CORO6: variants seen among roughly 807,000 people sequenced by gnomAD.
CORO6 encodes coronin 6, also known as coronin-6.
In CORO6, 43 loss-of-function variants were observed where a neutral mutation model predicts 49.0. The ratio of observed to expected loss-of-function variants is 0.88; its 90% CI spans 0.69 to 1.13. The LOEUF is 1.13. Ranked by LOEUF, CORO6 falls within the 50% of genes most tolerant of loss-of-function variation. The probability of loss-of-function intolerance (pLI) is 0.00; values close to 1 mark genes in which losing one functional copy is unlikely to be tolerated. For missense variants in CORO6, 650 were observed against 647.0 expected (o/e 1.00, Z -0.05); for synonymous variants, 233 against 256.5 (o/e 0.91, Z 0.88).
Position 29,622,759 on chromosome 17 carries a change from C to T in CORO6, c.-135G>A. ...GGAAGGGGCCCGAGTGCGTAGGGGG[C>T]CGAGGAAGGCTTCAGGGCGAAGGAG... On this transcript the variant is annotated 5_prime_UTR_variant, in exon 1 of 11. Coordinates refer to ENST00000388767, the MANE Select transcript of CORO6 (RefSeq NM_032854.4). 1 of 1,321,996 alleles carries T rather than the reference C, an allele frequency of 7.6e-7. No individual in the cohort carries two copies. The highest frequency in any genetic ancestry group is 1.0e-6 in the Non-Finnish European group (1 of 1,001,238). 81.9% of individuals were successfully genotyped at this position (1,321,996 alleles called of 1,614,324 possible). A position where few individuals can be genotyped will look rare whatever the true frequency, so the allele number is the denominator to read the frequency against.
chr17:29,615,912 G>A (rs1369822873), intron 10 of CORO6, 33 bp downstream of exon 10: 1 of 1,583,696 alleles, frequency 6.3e-7, no homozygotes, highest in Admixed American at 1.7e-5. Flanking sequence ...GGGAGATGTA[G>A]ATTGGGCCAG....
In CORO6 at chr17:29,621,867, G is replaced by A. The variant is rs142109518; in HGVS notation, c.-63-383C>T. 3.3e-3 allele frequency: 639 copies of A among 195,332 alleles called. 4 individuals carry two copies. The highest frequency in any genetic ancestry group is 0.014 in the African/African-American group (589 of 43,496). 12.1% of individuals were successfully genotyped at this position (195,332 alleles called of 1,614,324 possible). On this transcript the variant is annotated intron_variant, in intron 1 of 10. Transcript: ENST00000388767. This position sits in a 1 kb window ranked among gnomAD's most constrained non-coding sequence, Gnocchi z 4.2. The stretch of plus-strand genomic sequence containing the variant: ...AGAGGCACCCTGTCCAGAAGCAGAA[G>A]ACTTGACCATTGGATCTTGGCTTAA...
chr17:29,616,026 C>A lies in CORO6; in HGVS notation c.1212G>T (p.Arg404=), dbSNP rs1196705376. Residue 404 remains arginine, a synonymous_variant, in exon 10 of 11, where the codon CGG becomes CGT. Transcript: ENST00000388767. This position sits in a 1 kb window ranked among gnomAD's most constrained non-coding sequence, Gnocchi z 5.6. ...CGTCCAGGATGTTGCGCTTCGTGAC[C>A]CGGAGCTCGCGGTGCTTGGGGGGCA... ...GYVPPKHREL[R]VTKRNILDVR... 1.2e-6 allele frequency: 2 copies of A among 1,608,686 alleles called. No homozygotes were observed. The highest frequency in any genetic ancestry group is 1.7e-6 in the Non-Finnish European group (2 of 1,177,850).
At chr17:29,620,426 C>T (rs112034012) in intron 2 of CORO6, among the ~76,000 whole-genome samples, 36 of 152,276 alleles carry the variant, frequency 2.4e-4, no homozygotes, top group East Asian at 7.7e-4. Flanking sequence ...GAGGCAGCTC[C>T]GGCTGAAATT....
intron 2 of CORO6, among the ~76,000 whole-genome samples, chr17:29,620,772 G>A (rs966591153): frequency 5.3e-5 from 8 of 152,172 alleles, no homozygotes; most frequent in Non-Finnish European, 8.8e-5. Flanking sequence ...GGTAACCAGG[G>A]ACTCTTTGGA....
In CORO6 at chr17:29,616,392, T is replaced by G; in HGVS notation, c.1005-56A>C. On this transcript the variant is annotated intron_variant, in intron 8 of 10. Coordinates refer to ENST00000388767, the MANE Select transcript of CORO6 (RefSeq NM_032854.4). This position sits in a 1 kb window ranked among gnomAD's most constrained non-coding sequence, Gnocchi z 5.6. ...AGACTTCCACGTCCTTAACTTCTCC[T>G]GTCTAAGACCAAGGGGGTTGGAGGC... The G allele has an allele frequency of 7.9e-6, 12 of 1,518,898 alleles. No homozygotes were observed. Among genetic ancestry groups the G allele is most frequent in the South Asian group, 1.2e-5 (1 of 84,862 alleles). 94.1% of individuals were successfully genotyped at this position (1,518,898 alleles called of 1,614,324 possible). A position where few individuals can be genotyped will look rare whatever the true frequency, so the allele number is the denominator to read the frequency against.
In CORO6 at chr17:29,616,896, T is replaced by TGCC. The variant is rs1340011250; in HGVS notation, c.858+41_858+42insGGC. On this transcript the variant is annotated intron_variant, in intron 7 of 10. Transcript: ENST00000388767. The surrounding 1 kb of genome is among the most constrained non-coding windows in gnomAD (Gnocchi z 5.6). ...GCGCGCCCGGACAAGGCCCTCCACA[T>TGCC]CTCCATCCAGTGCCCTGTTCTCCCT... is the stretch of plus-strand genomic sequence containing the variant. 5.0e-6 allele frequency: 8 copies of TGCC among 1,613,250 alleles called. No individual in the cohort carries two copies. Among genetic ancestry groups the TGCC allele is most frequent in the Non-Finnish European group, 6.8e-6 (8 of 1,179,928 alleles).
chr17:29,618,689 T>C (rs1056305132), intron 5 of CORO6, 101 bp downstream of exon 5: 16 of 1,464,024 alleles, frequency 1.1e-5, no homozygotes, highest in Non-Finnish European at 1.5e-5. Flanking sequence ...ATGCGACAGG[T>C]GAAAGCCGGG....
At chr17:29,618,020 C>T (rs1448289608) in intron 5 of CORO6, 9 of 1,464,574 alleles carry the variant, frequency 6.1e-6, no homozygotes, top group East Asian at 2.8e-5. Context: ...AAGGAGCGAG[C>T]TAGCGCGCCC....
chr17:29,618,037 G>A (rs1157315366), intron 5 of CORO6: 17 of 1,484,032 alleles, frequency 1.1e-5, no homozygotes, highest in Admixed American at 2.3e-5. Context: ...GCCCGGCGCG[G>A]CCTGGCCTAC....
Position 29,619,744 on chromosome 17 carries a change from C to A in CORO6, c.228G>T (p.Leu76=). ...KTGRVDKNYP[L]VTGHTAPVLD... is the part of the protein sequence containing the mutation. Reference sequence around the variant, plus strand: ...GCACAGGGGCAGTGTGCCCAGTGACCAGTGGGTAGTTCTTATCCACTCGCC... The same window carrying A: ...GCACAGGGGCAGTGTGCCCAGTGACAAGTGGGTAGTTCTTATCCACTCGCC... Residue 76 remains leucine (L), a synonymous_variant, in exon 3 of 11, where the codon CTG becomes CTT. Transcript: ENST00000388767. 7 of 1,613,276 alleles carry A rather than the reference C, an allele frequency of 4.3e-6. No homozygotes were observed. The highest frequency in any genetic ancestry group is 5.9e-6 in the Non-Finnish European group (7 of 1,179,330).
rs766050251 is a variant in CORO6, at chr17:29,617,621, TG to T, written c.634-3del. 17 of 1,590,034 alleles carry T rather than the reference TG, an allele frequency of 1.1e-5. No homozygotes were observed. Among genetic ancestry groups the T allele is most frequent in the East Asian group, 2.3e-5 (1 of 43,958 alleles). ...CCCCTCGTGGGCCGCAAACCTCTCC[TG>T]GGGGGAGGGGGAGACAGGGAGGGAC... is the stretch of plus-strand genomic sequence containing the variant. On this transcript the variant is annotated splice_region_variant and splice_polypyrimidine_tract_variant and intron_variant, in intron 5 of 10. Transcript: ENST00000388767.
At chr17:29,618,518 C>A in intron 5 of CORO6, 1 of 1,329,896 alleles carries the variant, frequency 7.5e-7, no homozygotes, top group Non-Finnish European at 9.6e-7. Flanking sequence ...CCAGCTTCTC[C>A]CCTCCTCAAT....
In CORO6 at chr17:29,618,758, G is replaced by A. The variant is rs747968836; in HGVS notation, c.633+32C>T. On this transcript the variant is annotated intron_variant, in intron 5 of 10. Coordinates refer to ENST00000388767, the MANE Select transcript of CORO6 (RefSeq NM_032854.4). ...GCTGACAGCTGGCCACTGGTCAAGG[G>A]GTTCTGGGGAGTGGCCAGGCCAGGC... is the stretch of plus-strand genomic sequence containing the variant. 1.5e-5 allele frequency: 24 copies of A among 1,607,060 alleles called. 1 individual carries two copies. The South Asian group carries it at 2.5e-4, about 17-fold the overall frequency.
At chr17:29,617,362 A>C (rs749741100) in intron 6 of CORO6, 138 bp downstream of exon 6, 9 of 1,543,624 alleles carry the variant, frequency 5.8e-6, no homozygotes, top group South Asian at 1.2e-5. Flanking sequence ...GGTGGGTGTG[A>C]GAATGGCAGG....
chr17:29,617,678 G>C, intron 5 of CORO6, 59 bp from the exon 6 acceptor site: 13 of 1,489,124 alleles, frequency 8.7e-6, no homozygotes, highest in Non-Finnish European at 1.2e-5. Flanking sequence ...GAGGAGCATG[G>C]AGGGATGAGC....
chr17:29,618,048 C>T (rs1182829486), intron 5 of CORO6: 30 of 1,497,558 alleles, frequency 2.0e-5, no homozygotes, highest in Non-Finnish European at 2.5e-5. Flanking sequence ...CCTGGCCTAC[C>T]GGGTCCCAGA....
rs1598639016 is a variant in CORO6 at position 29,617,989 on chromosome 17, G to T, written c.634-370C>A. 9 of 1,356,100 alleles carry T rather than the reference G, an allele frequency of 6.6e-6. No homozygotes were observed. In the East Asian group the frequency reaches 2.6e-4, roughly 39 times the overall value. 84.0% of individuals were successfully genotyped at this position (1,356,100 alleles called of 1,614,324 possible). A position where few individuals can be genotyped will look rare whatever the true frequency, so the allele number is the denominator to read the frequency against. On this transcript the variant is annotated intron_variant, in intron 5 of 10. Transcript: ENST00000388767. The stretch of plus-strand genomic sequence containing the variant: ...TGGGCGCCAGCCACAGCCCGGGAAG[G>T]CGCTCCCGGCAGACCCAGAGAAGGA...
At chr17:29,619,254 C>T (rs1195210535) in intron 3 of CORO6, 65 bp from the exon 4 acceptor site, 4 of 1,580,556 alleles carry the variant, frequency 2.5e-6, no homozygotes, top group South Asian at 2.3e-5. Context: ...CCACTCCTTC[C>T]CTACCTTTTT....
Sources: allele counts gnomAD v4.1 joint callset (sites outside exome capture counted in the v4.1 genomes callset), GRCh38; gene constraint gnomAD v4.1.1; non-coding constraint Gnocchi (gnomAD v3.1); transcripts MANE v1.5; gene names NCBI Gene and HGNC (gene_info 2026-07-23, HGNC 2026-07-21).